ABL1: variants seen among roughly 807,000 people sequenced by gnomAD.
ABL1 encodes the protein ABL proto-oncogene 1, non-receptor tyrosine kinase.
In ABL1, 11 loss-of-function variants were observed where a neutral mutation model predicts 94.7. The observed-to-expected ratio is 0.12, with a 90% CI of 0.07 to 0.19. The LOEUF is 0.19. ABL1 is among the 10% of genes least tolerant of loss of function. ABL1 has a pLI of 1.00. For missense variants in ABL1, 1,082 were observed against 1,489.4 expected (o/e 0.73, Z 4.50); for synonymous variants, 656 against 622.4 (o/e 1.05, Z -0.80).
intron 6 of ABL1, among the ~76,000 whole-genome samples, chr9:130,874,398 C>A (rs1461357789): frequency 6.6e-6 from 1 of 152,162 alleles, no homozygotes; most frequent in Non-Finnish European, 1.5e-5. Flanking sequence ...CTGAATAGGA[C>A]AAGTGGAGAT....
In ABL1 at chr9:130,887,463, C is replaced by T. The variant is rs377158145; in HGVS notation, c.*1780C>T. ...ACGTGATGTGCCACTATATTTTACA[C>T]GTATCTCTTGGTATGCATCTTTTAT... On this transcript the variant is annotated 3_prime_UTR_variant, in exon 11 of 11. Transcript: ENST00000318560. 6 of 233,184 alleles carry T rather than the reference C, an allele frequency of 2.6e-5. No individual in the cohort carries two copies. Among genetic ancestry groups the T allele is most frequent in the East Asian group, 2.4e-4 (4 of 16,562 alleles). The allele number at this position is 233,184 out of a possible 1,614,324, so 14.4% of individuals were successfully genotyped here.
intron 1 of ABL1, among the ~76,000 whole-genome samples, chr9:130,821,988 A>G (rs2772026): frequency 0.91 from 138,279 of 152,032 alleles, 63,100 homozygotes; most frequent in East Asian, 0.98. Context: ...ACAGGCACCC[A>G]CCACCACCCC....
chr9:130,829,608 T>G (rs1588256100), intron 1 of ABL1, among the ~76,000 whole-genome samples: 1 of 141,952 alleles, frequency 7.0e-6, no homozygotes, highest in African/African-American at 2.6e-5. Context: ...ATATTTGAAA[T>G]GTTTTAGTGA....
intron 1 of ABL1, among the ~76,000 whole-genome samples, chr9:130,825,540 A>G (rs1210629956): frequency 6.6e-6 from 1 of 152,254 alleles, no homozygotes; most frequent in African/African-American, 2.4e-5. Flanking sequence ...TCACACAGAT[A>G]ATAATTTGAC....
In ABL1 at chr9:130,755,523, G is replaced by A. The variant is rs374892389; in HGVS notation, c.136+41068G>A. On this transcript the variant is annotated intron_variant, in intron 1 of 10. Transcript: ENST00000372348. Reference sequence around the variant, plus strand: ...CTCACTCATCACTATCTGCATGTTCGTGGTCTCTGGAAAGAATCAACTATA... The same window carrying A: ...CTCACTCATCACTATCTGCATGTTCATGGTCTCTGGAAAGAATCAACTATA... Among the ~76,000 whole-genome samples the A allele has an allele frequency of 2.4e-4, 37 of 152,230 alleles. No homozygotes were observed. The South Asian group carries it at 7.3e-3, about 30-fold the overall frequency.
intron 1 of ABL1, among the ~76,000 whole-genome samples, chr9:130,754,310 C>G (rs1034989348): frequency 5.9e-5 from 9 of 151,348 alleles, no homozygotes; most frequent in African/African-American, 1.9e-4. Flanking sequence ...AGATCGAGAC[C>G]ATCCTGGCTA....
At position 130,886,773 on chromosome 9, in the gene ABL1, C is replaced by G. The variant is rs1250333910; in HGVS notation, c.*1090C>G. On this transcript the variant is annotated 3_prime_UTR_variant, in exon 11 of 11. Transcript: ENST00000318560. ...TTCTTGAAGCATTTCAAAGCCCTGC[C>G]TCTGTGTAGCCGCCCTGAGAGAGAA... 4.3e-6 allele frequency: 1 copy of G among 233,486 alleles called. No individual in the cohort carries two copies. The highest frequency in any genetic ancestry group is 8.5e-6 in the Non-Finnish European group (1 of 118,020). 14.5% of individuals were successfully genotyped at this position (233,486 alleles called of 1,614,324 possible).
chr9:130,779,139 G>A (rs1167823494), intron 1 of ABL1, among the ~76,000 whole-genome samples: 1 of 152,350 alleles, frequency 6.6e-6, no homozygotes, highest in South Asian at 2.1e-4. Context: ...CTTGTGTGCA[G>A]AAGAGTCCTG....
intron 1 of ABL1, among the ~76,000 whole-genome samples, chr9:130,849,163 A>G (rs1830819438): frequency 6.6e-6 from 1 of 152,216 alleles, no homozygotes; most frequent in Non-Finnish European, 1.5e-5. Context: ...CTTTTAAAAT[A>G]TATCCTATTT....
chr9:130,838,724 G>A (rs1487485788), intron 1 of ABL1, among the ~76,000 whole-genome samples: 3 of 152,204 alleles, frequency 2.0e-5, no homozygotes, highest in Admixed American at 6.5e-5. Flanking sequence ...CCCTGGAGAC[G>A]TCAAAGAAAA....
chr9:130,746,299 TTTTTAA>T lies in ABL1; in HGVS notation c.136+31845_136+31850del, dbSNP rs1239984649. Among the ~76,000 whole-genome samples, 104 of 152,236 alleles carry T rather than the reference TTTTTAA, an allele frequency of 6.8e-4. 1 individual carries two copies. The highest frequency in any genetic ancestry group is 2.5e-3 in the African/African-American group (104 of 41,546). ...TTTAACTTTATTTTTTTAAATTTTATTTTTAAATTAGTGAACAGTAAAATTGACTTT... is the reference window on the plus strand; with the variant it reads ...TTTAACTTTATTTTTTTAAATTTTATATTAGTGAACAGTAAAATTGACTTT... On this transcript the variant is annotated intron_variant, in intron 1 of 10. Coordinates refer to the ABL1 transcript ENST00000372348.
Position 130,872,736 on chromosome 9 carries a change from T to G in ABL1, c.908-124T>G. On this transcript the variant is annotated intron_variant, in intron 5 of 10. Transcript: ENST00000318560. The surrounding 1 kb of genome is among the most constrained non-coding windows in gnomAD (Gnocchi z 5.0). ...CAGGATGCAGGTGCTTGGGACCATG[T>G]TGGAAGTTGGGCCCAGGACTGAGGA... 2 of 943,468 alleles carry G rather than the reference T, an allele frequency of 2.1e-6. No individual in the cohort carries two copies. The highest frequency in any genetic ancestry group is 3.2e-6 in the Non-Finnish European group (2 of 634,032). 58.4% of individuals were successfully genotyped at this position (943,468 alleles called of 1,614,324 possible). A position where few individuals can be genotyped will look rare whatever the true frequency, so the allele number is the denominator to read the frequency against.
chr9:130,843,823 G>A (rs1274366543), intron 1 of ABL1, among the ~76,000 whole-genome samples: 2 of 152,042 alleles, frequency 1.3e-5, no homozygotes, highest in Non-Finnish European at 2.9e-5. Flanking sequence ...AAGGAGTTTG[G>A]AGAGGCTGGA....
Position 130,861,926 on chromosome 9 carries a change from TCTC to T in ABL1, c.550-834_550-832del, listed in dbSNP as rs539423533. Among the ~76,000 whole-genome samples, 107 of 152,334 alleles carry T rather than the reference TCTC, an allele frequency of 7.0e-4. 1 individual carries two copies. Among genetic ancestry groups the T allele is most frequent in the African/African-American group, 2.5e-3 (103 of 41,574 alleles). On this transcript the variant is annotated intron_variant, in intron 3 of 10. Transcript: ENST00000318560. Reference sequence around the variant, plus strand: ...TGTTGCTTTCTGCCAGCCTGCTCCTTCTCCTTCCTCTCCAGCTCTGTTGTGTCC... The same window carrying T: ...TGTTGCTTTCTGCCAGCCTGCTCCTTCTTCCTCTCCAGCTCTGTTGTGTCC...
chr9:130,752,814 CT>C (rs1358068759), intron 1 of ABL1, among the ~76,000 whole-genome samples: 1 of 152,040 alleles, frequency 6.6e-6, no homozygotes, highest in Admixed American at 6.6e-5. Context: ...CAAAAAATAG[CT>C]GAACGTGGTG....
At chr9:130,870,034 A>T (rs892379921) in intron 4 of ABL1, among the ~76,000 whole-genome samples, 2 of 152,212 alleles carry the variant, frequency 1.3e-5, no homozygotes, top group African/African-American at 4.8e-5. Context: ...CATGTTGACC[A>T]GGTTGTTCCG....
chr9:130,842,759 C>T (rs1214137902), intron 1 of ABL1, among the ~76,000 whole-genome samples: 2 of 152,176 alleles, frequency 1.3e-5, no homozygotes, highest in South Asian at 2.1e-4. Context: ...CAGTCTGTTG[C>T]AAATGGCCTG....
upstream of ABL1, among the ~76,000 whole-genome samples, chr9:130,833,860 C>A (rs923544904): frequency 6.6e-6 from 1 of 152,190 alleles, no homozygotes; most frequent in Non-Finnish European, 1.5e-5. Context: ...TTTGTCATTA[C>A]AGGATAGGCT....
intron 1 of ABL1, among the ~76,000 whole-genome samples, chr9:130,839,045 G>A (rs986504506): frequency 2.0e-4 from 31 of 152,110 alleles, no homozygotes; most frequent in Middle Eastern, 3.4e-3. Context: ...AAGTAGCTGG[G>A]GCTGCAGGCA....
Sources: gnomAD v4.1 joint callset for allele counts (sites outside exome capture counted in the v4.1 genomes callset) on GRCh38, gnomAD v4.1.1 for gene constraint, Gnocchi (gnomAD v3.1) non-coding constraint, MANE v1.5 for transcripts, NCBI Gene and HGNC (gene_info 2026-07-23, HGNC 2026-07-21) for gene names.